The following KCNMA1 variants were observed in gnomAD, a reference collection of about 807,000 sequenced individuals.
KCNMA1 encodes Calcium-activated potassium channel subunit alpha-1.
A neutral mutation model predicts 140.0 loss-of-function variants in KCNMA1; 29 were observed. That is an observed-to-expected ratio of 0.21 (90% confidence interval 0.15 to 0.28). KCNMA1 has a LOEUF of 0.28. Ranked by LOEUF, KCNMA1 falls within the 10% of genes least tolerant of loss-of-function variation. The pLI, the probability that KCNMA1 is intolerant of heterozygous loss-of-function variation, is 1.00. For synonymous variants in KCNMA1, 612 were observed against 611.9 expected (o/e 1.00, Z 0.00); for missense variants, 880 against 1,602.2 (o/e 0.55, Z 7.70).
At chr10:77,402,234 T>C (rs1213967790) in intron 2 of KCNMA1, among the ~76,000 whole-genome samples, 1 of 152,162 alleles carries the variant, frequency 6.6e-6, no homozygotes, top group Admixed American at 6.5e-5. Flanking sequence ...GAAAGAGCAA[T>C]GGAGACTTCA....
intron 5 of KCNMA1, among the ~76,000 whole-genome samples, chr10:77,137,617 C>G (rs972181541): frequency 2.0e-5 from 3 of 152,134 alleles, no homozygotes; most frequent in African/African-American, 7.2e-5. Context: ...TGAATCTGAG[C>G]CTCTCCTTCC....
intron 2 of KCNMA1, chr10:77,355,233 G>T: frequency 6.3e-6 from 1 of 159,660 alleles, no homozygotes. Flanking sequence ...GGAACTGTAA[G>T]TCCAATTTAA....
chr10:77,197,602 T>C (rs1249621578), intron 3 of KCNMA1, among the ~76,000 whole-genome samples: 5 of 152,196 alleles, frequency 3.3e-5, no homozygotes, highest in African/African-American at 1.2e-4. Flanking sequence ...TTCAGTGTAT[T>C]GGAATGCTCG....
chr10:76,981,522 T>C (rs1443903732), intron 19 of KCNMA1, among the ~76,000 whole-genome samples: 1 of 152,100 alleles, frequency 6.6e-6, no homozygotes, highest in East Asian at 1.9e-4. Context: ...GAATTTCTGC[T>C]GGGAGGTCAT....
At chr10:76,983,589 T>C (rs950458964) in intron 19 of KCNMA1, among the ~76,000 whole-genome samples, 3 of 152,092 alleles carry the variant, frequency 2.0e-5, no homozygotes, top group African/African-American at 7.2e-5. Flanking sequence ...TAGCTGGGCA[T>C]GGTGGCATAT....
At chr10:77,362,584 C>T (rs2094063434) in intron 2 of KCNMA1, among the ~76,000 whole-genome samples, 1 of 152,148 alleles carries the variant, frequency 6.6e-6, no homozygotes, top group South Asian at 2.1e-4. Context: ...CAGAGGACAG[C>T]AGGCTTTCAA....
chr10:77,019,876 G>A (rs2092627632), intron 16 of KCNMA1: 1 of 152,080 alleles, frequency 6.6e-6, no homozygotes. Flanking sequence ...CAGAGAAGTG[G>A]GAACCTAAAT....
chr10:77,375,306 G>T (rs147843549), intron 2 of KCNMA1, among the ~76,000 whole-genome samples: 125 of 152,280 alleles, frequency 8.2e-4, no homozygotes, highest in African/African-American at 2.8e-3. Flanking sequence ...AAAGCACACT[G>T]CCTTCAGAGT....
intron 1 of KCNMA1, among the ~76,000 whole-genome samples, chr10:77,424,976 CG>C (rs1437797149): frequency 6.6e-6 from 1 of 152,210 alleles, no homozygotes; most frequent in African/African-American, 2.4e-5. Context: ...CAACTGTGCT[CG>C]TTGTCTACAC....
At chr10:77,510,203 C>T (rs553870509) in intron 1 of KCNMA1, among the ~76,000 whole-genome samples, 2 of 152,162 alleles carry the variant, frequency 1.3e-5, no homozygotes, top group East Asian at 1.9e-4. Flanking sequence ...CCTCAGATTG[C>T]TCATCTGCTA....
chr10:77,337,907 C>T (rs117989737), intron 2 of KCNMA1, among the ~76,000 whole-genome samples: 4,495 of 152,204 alleles, frequency 0.03, 97 homozygotes, highest in Non-Finnish European at 0.035. Context: ...AATGGAAGGA[C>T]ATGTTAAAAT....
intron 3 of KCNMA1, among the ~76,000 whole-genome samples, chr10:77,223,940 C>T (rs1251815597): frequency 1.3e-5 from 2 of 152,168 alleles, no homozygotes; most frequent in Non-Finnish European, 2.9e-5. Context: ...ACAGAGGAGC[C>T]TCTTCCAGCA....
At chr10:77,510,691 G>C (rs1157893572) in intron 1 of KCNMA1, among the ~76,000 whole-genome samples, 20 of 151,850 alleles carry the variant, frequency 1.3e-4, no homozygotes, top group Non-Finnish European at 2.9e-5. Flanking sequence ...CCAGCTACTT[G>C]GGAGCCTGAG....
At chr10:77,153,937 A>G (rs1454457270) in intron 5 of KCNMA1, among the ~76,000 whole-genome samples, 1 of 152,152 alleles carries the variant, frequency 6.6e-6, no homozygotes, top group African/African-American at 2.4e-5. Context: ...GTAAAATGAG[A>G]AAATGTCTGT....
intron 1 of KCNMA1, among the ~76,000 whole-genome samples, chr10:77,607,856 G>A (rs1333052336): frequency 1.3e-5 from 2 of 152,154 alleles, no homozygotes; most frequent in African/African-American, 2.4e-5. Context: ...ACAGCAGCAA[G>A]GGAAAACTGA....
chr10:77,582,544 T>C (rs1056586361), intron 1 of KCNMA1, among the ~76,000 whole-genome samples: 3 of 152,244 alleles, frequency 2.0e-5, no homozygotes, highest in South Asian at 4.1e-4. Flanking sequence ...CAAACCTGCA[T>C]GTTCTGCACC....
chr10:77,480,826 G>A (rs2098379699), intron 1 of KCNMA1, among the ~76,000 whole-genome samples: 1 of 151,878 alleles, frequency 6.6e-6, no homozygotes, highest in South Asian at 2.1e-4. Context: ...ACACACACGT[G>A]CAGCCGGGCA....
At chr10:77,158,804 A>G (rs1214337256) in intron 5 of KCNMA1, among the ~76,000 whole-genome samples, 1 of 152,114 alleles carries the variant, frequency 6.6e-6, no homozygotes, top group African/African-American at 2.4e-5. Flanking sequence ...GTTCAAGGTG[A>G]TAGCTCTCTT....
chr10:77,633,925 C>G (rs954167532), intron 1 of KCNMA1, among the ~76,000 whole-genome samples: 3 of 152,204 alleles, frequency 2.0e-5, no homozygotes, highest in Non-Finnish European at 4.4e-5. Flanking sequence ...TGTCCCAAGG[C>G]TGAATTCCTA....
Sources: allele counts gnomAD v4.1 joint callset (sites outside exome capture counted in the v4.1 genomes callset), GRCh38; gene constraint gnomAD v4.1.1; transcripts MANE v1.5; gene names NCBI Gene and HGNC (gene_info 2026-07-23, HGNC 2026-07-21).